The following EML6 variants were observed in gnomAD, a reference collection of about 807,000 sequenced individuals.
The protein encoded by EML6 is echinoderm microtubule-associated protein-like 6.
Under a neutral mutation model 240.1 loss-of-function variants are expected in EML6, and 154 were observed. The observed-to-expected ratio is 0.64, with a 90% CI of 0.56 to 0.73. The LOEUF (loss-of-function observed/expected upper bound fraction) is 0.73. EML6 is among the 30% of genes least tolerant of loss of function. The probability of loss-of-function intolerance (pLI) is 0.00; values close to 1 mark genes in which losing one functional copy is unlikely to be tolerated. For missense variants in EML6, 2,964 were observed against 2,474.6 expected, an observed-to-expected ratio of 1.20 and a Z score of -4.20; for synonymous variants, 1,148 against 899.0, an observed-to-expected ratio of 1.28 and a Z score of -4.95.
intron 15 of EML6, among the ~76,000 whole-genome samples, chr2:54,870,247 A>G (rs1442810629): frequency 6.6e-6 from 1 of 152,222 alleles, no homozygotes; most frequent in Non-Finnish European, 1.5e-5. Flanking sequence ...AAATCTATGA[A>G]TGAAAATGAG....
At chr2:54,960,149 GA>G in intron 34 of EML6, 70 bp from the exon 35 acceptor site, 1 of 1,113,904 alleles carries the variant, frequency 9.0e-7, no homozygotes. Flanking sequence ...GGAAAGAGGG[GA>G]GAGGGCCGGA....
chr2:54,894,204 A>G (rs960271778), intron 19 of EML6, among the ~76,000 whole-genome samples: 26 of 115,998 alleles, frequency 2.2e-4, no homozygotes, highest in African/African-American at 7.9e-4. Context: ...TTTTTCTTAG[A>G]AAAAAAAAAA....
intron 11 of EML6, among the ~76,000 whole-genome samples, chr2:54,856,192 A>G (rs1236233848): frequency 6.6e-6 from 1 of 152,210 alleles, no homozygotes; most frequent in Admixed American, 6.5e-5. Flanking sequence ...CACATCTTAA[A>G]ATAATTAGGA....
chr2:54,725,621 G>C lies in EML6; in HGVS notation c.197+363G>C, dbSNP rs975576579. On this transcript the variant is annotated intron_variant, in intron 2 of 41. Transcript: ENST00000356458. This position sits in a 1 kb window ranked among gnomAD's most constrained non-coding sequence, Gnocchi z 4.3. ...AGGTGCACGGTAGGACCAATAACCTGAAGTGTGGGCATCATCTTTGGGAGG... is the reference window on the plus strand; with the variant it reads ...AGGTGCACGGTAGGACCAATAACCTCAAGTGTGGGCATCATCTTTGGGAGG... 2.0e-5 allele frequency among the ~76,000 whole-genome samples: 3 copies of C among 152,160 alleles called. No individual in the cohort carries two copies. The highest frequency in any genetic ancestry group is 4.8e-5 in the African/African-American group (2 of 41,430).
In EML6 at chr2:54,894,935, G is replaced by C; in HGVS notation, c.2763G>C (p.Lys921Asn). 4 of 1,551,170 alleles carry C rather than the reference G, an allele frequency of 2.6e-6. No homozygotes were observed. Among genetic ancestry groups the C allele is most frequent in the Non-Finnish European group, 3.5e-6 (4 of 1,146,594 alleles). ...ALDKGFVTGG[K>N]DGIVELWDDM... ...CACAGGGCTTTGTAACAGGTGGAAAGGACGGCATCGTGGAGCTCTGGGATG... is the reference window on the plus strand; with the variant it reads ...CACAGGGCTTTGTAACAGGTGGAAACGACGGCATCGTGGAGCTCTGGGATG... Residue 921 changes from lysine (K) to asparagine (N), a missense_variant, in exon 20 of 42, where the codon AAG becomes AAC. By Grantham distance (94) the Lys-to-Asn change is moderately conservative. Transcript: ENST00000356458.
chr2:54,867,756 A>G (rs980924528), intron 14 of EML6: 6 of 151,980 alleles, frequency 3.9e-5, no homozygotes, highest in Admixed American at 6.6e-5. Context: ...CCAAAAGGGG[A>G]AAAAAAATAC....
In EML6 at chr2:54,910,445, GT is replaced by G. The variant is rs376717762; in HGVS notation, c.3410-508del. On this transcript the variant is annotated intron_variant, in intron 24 of 41. Coordinates refer to ENST00000356458, the MANE Select transcript of EML6 (RefSeq NM_001039753.4). The stretch of plus-strand genomic sequence containing the variant: ...TCAAATGTTCAAGTAAGACCAGAGG[GT>G]GGGGAAGGAATGAGCATTTATAGTT... Among the ~76,000 whole-genome samples the G allele has an allele frequency of 3.8e-3, 577 of 152,298 alleles. 2 individuals are homozygous for G. Among genetic ancestry groups the G allele is most frequent in the Middle Eastern group, 0.02 (6 of 294 alleles).
chr2:54,822,161 G>C (rs371682316), intron 5 of EML6, among the ~76,000 whole-genome samples: 2 of 152,072 alleles, frequency 1.3e-5, no homozygotes, highest in African/African-American at 4.8e-5. Context: ...TTATGAAAAT[G>C]TTAAAATCTA....
At chr2:54,861,553 T>G (rs889295137) in intron 12 of EML6, among the ~76,000 whole-genome samples, 1 of 152,134 alleles carries the variant, frequency 6.6e-6, no homozygotes, top group South Asian at 2.1e-4. Flanking sequence ...CCTCCAACCC[T>G]TCTAGCTACA....
intron 2 of EML6, among the ~76,000 whole-genome samples, chr2:54,730,723 CTCT>C (rs1447435914): frequency 3.3e-5 from 5 of 152,190 alleles, no homozygotes; most frequent in Admixed American, 6.5e-5. Context: ...TGCATTATTG[CTCT>C]TCTTATTAAT....
intron 2 of EML6, among the ~76,000 whole-genome samples, chr2:54,728,035 T>A (rs1044599541): frequency 3.3e-5 from 5 of 152,260 alleles, no homozygotes; most frequent in Admixed American, 2.0e-4. Flanking sequence ...TAATATAATT[T>A]ACTGAATGTG....
intron 8 of EML6, among the ~76,000 whole-genome samples, chr2:54,846,555 C>A (rs1669766160): frequency 6.7e-6 from 1 of 149,890 alleles, no homozygotes; most frequent in African/African-American, 2.5e-5. Flanking sequence ...ATGAACATAG[C>A]TAACTGCAAC....
chr2:54,967,099 A>T lies in EML6; in HGVS notation c.5593A>T (p.Thr1865Ser). The change falls in exon 39 of 42, where the codon ACA (threonine) becomes TCA (serine). Residue 1865 changes from threonine to serine, a missense_variant. Transcript: ENST00000356458. ...TGAGAAGATCACCTGGGCCTCCTGG[A>T]CAAGGTGACTGACTGGAAGAAAAAA... The part of the protein sequence containing the change: ...VIEKITWASW[T>S]SVLGDEVIGI... 1 of 1,548,024 alleles carries T rather than the reference A, an allele frequency of 6.5e-7. No individual in the cohort carries two copies. Among genetic ancestry groups the T allele is most frequent in the Non-Finnish European group, 8.7e-7 (1 of 1,143,760 alleles).
At position 54,953,371 on chromosome 2, in the gene EML6, T is replaced by A. The variant is rs552855114; in HGVS notation, c.4313-612T>A. ...AATCTGCAGAGCAAAATCATGTCAT[T>A]CTATCATGTTTGCTGATTGTATCTT... On this transcript the variant is annotated intron_variant, in intron 31 of 41. Transcript: ENST00000356458. Among the ~76,000 whole-genome samples, 15 of 152,298 alleles carry A rather than the reference T, an allele frequency of 9.8e-5. No homozygotes were observed. The East Asian group carries it at 2.9e-3, about 29-fold the overall frequency.
At chr2:54,894,775 A>G in intron 19 of EML6, 140 bp from the exon 20 acceptor site, 1 of 600,426 alleles carries the variant, frequency 1.7e-6, no homozygotes, top group Non-Finnish European at 3.0e-6. Context: ...GAACATTGTT[A>G]TCACCAGAGT....
chr2:54,815,663 A>C (rs1668050359), intron 3 of EML6, among the ~76,000 whole-genome samples: 1 of 152,220 alleles, frequency 6.6e-6, no homozygotes, highest in South Asian at 2.1e-4. Flanking sequence ...AAATTATAGC[A>C]AAGAAATTTC....
chr2:54,833,496 C>G (rs993747288), intron 7 of EML6, among the ~76,000 whole-genome samples: 1 of 152,172 alleles, frequency 6.6e-6, no homozygotes, highest in African/African-American at 2.4e-5. Context: ...CTAATTAGGA[C>G]ACTTGACTTA....
Position 54,844,228 on chromosome 2 carries a change from C to A in EML6, c.1029C>A (p.Gly343=). ...CCAAGAAGCCTCTGGCTGTGACAGG[C>A]AGCGATGACCGCTCTGTCAGGTGAG... ...LHPKKPLAVT[G]SDDRSVRLWS... is the part of the protein sequence containing the mutation. Residue 343 remains glycine (G), a synonymous_variant, in exon 8 of 42, where the codon GGC becomes GGA. Coordinates refer to ENST00000356458, the MANE Select transcript of EML6 (RefSeq NM_001039753.4). 1.9e-6 allele frequency: 3 copies of A among 1,551,580 alleles called. No individual in the cohort carries two copies. Among genetic ancestry groups the A allele is most frequent in the Non-Finnish European group, 2.6e-6 (3 of 1,146,880 alleles).
intron 25 of EML6, among the ~76,000 whole-genome samples, chr2:54,915,040 C>T (rs982409685): frequency 7.2e-5 from 11 of 152,166 alleles, no homozygotes. Flanking sequence ...AACATGTCTA[C>T]CTGAGGCAAG....
Sources: allele counts gnomAD v4.1 joint callset (sites outside exome capture counted in the v4.1 genomes callset), GRCh38; gene constraint gnomAD v4.1.1; non-coding constraint Gnocchi (gnomAD v3.1); transcripts MANE v1.5; gene names NCBI Gene and HGNC (gene_info 2026-07-23, HGNC 2026-07-21).